FRAS1: variants seen among roughly 807,000 people sequenced by gnomAD.
The protein encoded by FRAS1 is Fraser extracellular matrix complex subunit 1, also known as extracellular matrix organizing protein FRAS1.
FRAS1 carries 290 observed loss-of-function variants against 435.2 expected under a neutral mutation model. The observed-to-expected ratio is 0.67, with a 90% CI of 0.61 to 0.73. FRAS1 has a LOEUF of 0.73. Among genes scored for constraint, FRAS1 ranks in the 30% least tolerant of loss-of-function variants. The probability of loss-of-function intolerance (pLI) is 0.00; values close to 1 mark genes in which losing one functional copy is unlikely to be tolerated. For synonymous variants in FRAS1, 1,800 were observed against 1,851.0 expected (o/e 0.97, Z 0.71); for missense variants, 4,860 against 5,001.5 (o/e 0.97, Z 0.85).
At chr4:78,303,929 G>A (rs1167610788) in intron 14 of FRAS1, among the ~76,000 whole-genome samples, 3 of 151,348 alleles carry the variant, frequency 2.0e-5, no homozygotes, top group African/African-American at 7.3e-5. Context: ...TCCCTGTCTT[G>A]TGCCAGTTTT....
At chr4:78,263,645 C>G in intron 6 of FRAS1, among the ~76,000 whole-genome samples, 1 of 152,162 alleles carries the variant, frequency 6.6e-6, no homozygotes, top group Admixed American at 6.5e-5. Context: ...TCACTGAAAG[C>G]TTATTAAGCT....
At chr4:78,217,863 CT>C (rs1380416865) in intron 2 of FRAS1, among the ~76,000 whole-genome samples, 1 of 75,414 alleles carries the variant, frequency 1.3e-5, no homozygotes, top group African/African-American at 5.1e-5. Flanking sequence ...TCCCCTTCCC[CT>C]CTCCTCTCTT....
At chr4:78,421,837 G>A (rs377320864) in intron 33 of FRAS1, 26 bp from the exon 34 acceptor site, 1 of 1,613,254 alleles carries the variant, frequency 6.2e-7, no homozygotes, top group Admixed American at 1.7e-5. Flanking sequence ...TACTGTTGAT[G>A]CTGAGGCCAA....
intron 51 of FRAS1, among the ~76,000 whole-genome samples, chr4:78,470,619 A>G (rs1339589732): frequency 6.6e-6 from 1 of 152,204 alleles, no homozygotes; most frequent in African/African-American, 2.4e-5. Flanking sequence ...ATATAGTACA[A>G]CAACTGTTTA....
intron 2 of FRAS1, among the ~76,000 whole-genome samples, chr4:78,097,615 A>G (rs1321564905): frequency 6.6e-6 from 1 of 152,158 alleles, no homozygotes; most frequent in African/African-American, 2.4e-5. Flanking sequence ...TGTGCAGGGA[A>G]ACTTCCATTT....
At position 78,057,963 on chromosome 4, in the gene FRAS1, T is replaced by C. The variant is rs753323410; in HGVS notation, c.-47T>C. On this transcript the variant is annotated 5_prime_UTR_variant, in exon 1 of 74. Coordinates refer to ENST00000512123, the MANE Select transcript of FRAS1 (RefSeq NM_025074.7). This position sits in a 1 kb window ranked among gnomAD's most constrained non-coding sequence, Gnocchi z 4.2. ...GCCAGCGTTTTGGCGGAGCCGCTTCTTGGATGCTGAAGGCTGGGCTCCTCC... is the reference window on the plus strand; with the variant it reads ...GCCAGCGTTTTGGCGGAGCCGCTTCCTGGATGCTGAAGGCTGGGCTCCTCC... 1.9e-6 allele frequency: 3 copies of C among 1,587,478 alleles called. No homozygotes were observed. The East Asian group carries it at 6.7e-5, about 36-fold the overall frequency.
chr4:78,265,683 T>A (rs1288374298), intron 7 of FRAS1, among the ~76,000 whole-genome samples: 1 of 152,188 alleles, frequency 6.6e-6, no homozygotes, highest in Non-Finnish European at 1.5e-5. Context: ...GATGAATGAA[T>A]GAGTGAATGT....
chr4:78,331,963 G>A (rs1368692008), intron 18 of FRAS1, among the ~76,000 whole-genome samples: 1 of 152,230 alleles, frequency 6.6e-6, no homozygotes, highest in Non-Finnish European at 1.5e-5. Flanking sequence ...ACAAAGGGGA[G>A]CACGAGGGTC....
intron 61 of FRAS1, among the ~76,000 whole-genome samples, chr4:78,502,958 AT>A (rs1720726401): frequency 6.6e-6 from 1 of 152,324 alleles, no homozygotes; most frequent in South Asian, 2.1e-4. Flanking sequence ...CCTTTTCTGC[AT>A]CTATTGAGAT....
intron 2 of FRAS1, among the ~76,000 whole-genome samples, chr4:78,126,325 G>A (rs1719356125): frequency 6.6e-6 from 1 of 152,160 alleles, no homozygotes; most frequent in African/African-American, 2.4e-5. Context: ...CCTTGGCTAG[G>A]AAAGGGAAAT....
intron 4 of FRAS1, among the ~76,000 whole-genome samples, chr4:78,249,372 A>C (rs966141007): frequency 9.4e-5 from 10 of 106,740 alleles, no homozygotes; most frequent in African/African-American, 3.7e-4. Flanking sequence ...TCTGTCTCCC[A>C]GTTGCAGTGG....
At chr4:78,489,788 T>C (rs6851452) in intron 59 of FRAS1, among the ~76,000 whole-genome samples, 45,375 of 151,816 alleles carry the variant, frequency 0.3, 7,768 homozygotes, top group Admixed American at 0.39. Flanking sequence ...CACTGTTACT[T>C]TGAGAGCAGG....
chr4:78,371,832 CA>C (rs1731524230), intron 23 of FRAS1, among the ~76,000 whole-genome samples: 2 of 152,318 alleles, frequency 1.3e-5, no homozygotes, highest in South Asian at 4.1e-4. Context: ...GCAACAGCAA[CA>C]ACTATAATAT....
chr4:78,498,376 T>C (rs1578359260), intron 60 of FRAS1, among the ~76,000 whole-genome samples: 1 of 151,920 alleles, frequency 6.6e-6, no homozygotes, highest in South Asian at 2.1e-4. Context: ...CGTGGTGGCA[T>C]GCGCCTGTAA....
At chr4:78,327,569 C>A (rs1729769751) in intron 18 of FRAS1, among the ~76,000 whole-genome samples, 1 of 152,178 alleles carries the variant, frequency 6.6e-6, no homozygotes, top group African/African-American at 2.4e-5. Context: ...TTATAGTCAT[C>A]TAAGGACACT....
At chr4:78,346,755 C>T (rs1730617467) in intron 20 of FRAS1, among the ~76,000 whole-genome samples, 1 of 152,150 alleles carries the variant, frequency 6.6e-6, no homozygotes, top group Non-Finnish European at 1.5e-5. Flanking sequence ...TCTATTACCT[C>T]TTTTTCCTTC....
chr4:78,186,492 A>T (rs17003033), intron 2 of FRAS1, among the ~76,000 whole-genome samples: 2 of 152,180 alleles, frequency 1.3e-5, no homozygotes, highest in East Asian at 1.9e-4. Context: ...CATGAGGCTT[A>T]TTAGCATTTG....
chr4:78,452,115 G>A, intron 46 of FRAS1, 60 bp from the exon 47 acceptor site: 1 of 1,556,122 alleles, frequency 6.4e-7, no homozygotes, highest in Non-Finnish European at 8.9e-7. Context: ...ACCAGGCCTA[G>A]AATTAAAGAA....
chr4:78,104,422 C>T (rs1389845666), intron 2 of FRAS1, among the ~76,000 whole-genome samples: 1 of 152,132 alleles, frequency 6.6e-6, no homozygotes, highest in Non-Finnish European at 1.5e-5. Flanking sequence ...TGATGCCACC[C>T]ACTAAGATTT....
Sources: gnomAD v4.1 joint callset for allele counts (sites outside exome capture counted in the v4.1 genomes callset) on GRCh38, gnomAD v4.1.1 for gene constraint, Gnocchi (gnomAD v3.1) non-coding constraint, MANE v1.5 for transcripts, NCBI Gene and HGNC (gene_info 2026-07-23, HGNC 2026-07-21) for gene names.